Variants in KCTD8 observed in about 807,000 individuals in gnomAD.
The protein encoded by KCTD8 is BTB/POZ domain-containing protein KCTD8.
Under a neutral mutation model 31.5 loss-of-function variants are expected in KCTD8, and 27 were observed. The observed-to-expected ratio is 0.86, with a 90% confidence interval of 0.63 to 1.18. The LOEUF (loss-of-function observed/expected upper bound fraction) is 1.18, where lower values mean the gene tolerates loss of function less well. Ranked by LOEUF, KCTD8 falls within the 50% of genes most tolerant of loss-of-function variation. KCTD8 has a pLI of 0.00. For missense variants in KCTD8, 658 were observed against 647.7 expected (o/e 1.02, Z -0.17); for synonymous variants, 290 against 280.0 (o/e 1.04, Z -0.36).
At chr4:44,379,121 T>A (rs1719994736) in intron 1 of KCTD8, among the ~76,000 whole-genome samples, 1 of 152,092 alleles carries the variant, frequency 6.6e-6, no homozygotes, top group Non-Finnish European at 1.5e-5. Flanking sequence ...CATCTCAAGA[T>A]CCTTAACTTG....
At chr4:44,333,036 T>C (rs1296293971) in intron 1 of KCTD8, among the ~76,000 whole-genome samples, 1 of 152,092 alleles carries the variant, frequency 6.6e-6, no homozygotes. Flanking sequence ...CACAACTATT[T>C]GTATCAATTG....
chr4:44,231,989 T>C (rs1310939453), intron 1 of KCTD8, among the ~76,000 whole-genome samples: 1 of 152,170 alleles, frequency 6.6e-6, no homozygotes. Flanking sequence ...TGAAATTAGA[T>C]ACTATTGTCA....
In KCTD8 at chr4:44,448,777, T is replaced by C. The variant is rs941431733; in HGVS notation, c.-254A>G. On this transcript the variant is annotated 5_prime_UTR_variant, in exon 1 of 2. Transcript: ENST00000360029. This position sits in a 1 kb window ranked among gnomAD's most constrained non-coding sequence, Gnocchi z 4.1. ...CGGCAATGGAGAGGCAAGAAGGAGC[T>C]GCTGCTCCTTTGGGGCGAGGGCGGG... The C allele has an allele frequency of 9.9e-5, 35 of 351,872 alleles. No homozygotes were observed. The East Asian group carries it at 1.4e-3, about 14-fold the overall frequency. The allele number at this position is 351,872 out of a possible 1,614,324, so 21.8% of individuals were successfully genotyped here.
intron 1 of KCTD8, among the ~76,000 whole-genome samples, chr4:44,413,473 G>C (rs1721004904): frequency 6.6e-6 from 1 of 152,052 alleles, no homozygotes; most frequent in South Asian, 2.1e-4. Context: ...AGAATTACTT[G>C]AACTTCAACA....
chr4:44,409,791 A>G (rs1720906133), intron 1 of KCTD8, among the ~76,000 whole-genome samples: 1 of 47,362 alleles, frequency 2.1e-5, no homozygotes, highest in African/African-American at 6.3e-5. Flanking sequence ...TTTAGAGTAT[A>G]TTAAAAAAAA....
chr4:44,381,151 G>A (rs1720053280), intron 1 of KCTD8, among the ~76,000 whole-genome samples: 1 of 151,746 alleles, frequency 6.6e-6, no homozygotes, highest in Non-Finnish European at 1.5e-5. Flanking sequence ...ATTACTCATG[G>A]TAGTATTTAA....
chr4:44,285,402 C>T (rs892134275), intron 1 of KCTD8, among the ~76,000 whole-genome samples: 6 of 151,946 alleles, frequency 3.9e-5, no homozygotes, highest in Admixed American at 3.3e-4. Context: ...TGTTCTCACT[C>T]ATAAGTGGGA....
intron 1 of KCTD8, among the ~76,000 whole-genome samples, chr4:44,246,281 T>C (rs1715661806): frequency 6.6e-6 from 1 of 152,170 alleles, no homozygotes; most frequent in South Asian, 2.1e-4. Context: ...ATTGAAGTCA[T>C]TAGGTTTGAA....
intron 1 of KCTD8, among the ~76,000 whole-genome samples, chr4:44,329,022 G>C (rs1163659322): frequency 6.6e-6 from 1 of 151,832 alleles, no homozygotes; most frequent in Non-Finnish European, 1.5e-5. Flanking sequence ...CTTTCTTATA[G>C]TCTTGCTAAG....
intron 1 of KCTD8, among the ~76,000 whole-genome samples, chr4:44,358,346 G>T (rs758526966): frequency 6.6e-6 from 1 of 152,122 alleles, no homozygotes; most frequent in Non-Finnish European, 1.5e-5. Flanking sequence ...GAACAGTGCT[G>T]CAATAAACAT....
At chr4:44,406,139 T>C (rs1417560879) in intron 1 of KCTD8, among the ~76,000 whole-genome samples, 1 of 152,002 alleles carries the variant, frequency 6.6e-6, no homozygotes, top group Non-Finnish European at 1.5e-5. Flanking sequence ...AACAAGGAGG[T>C]GAATATATGG....
chr4:44,315,688 G>A (rs1052162123), intron 1 of KCTD8, among the ~76,000 whole-genome samples: 2 of 151,942 alleles, frequency 1.3e-5, no homozygotes, highest in African/African-American at 4.8e-5. Context: ...CTGAAAAAGT[G>A]TATAATTTAC....
chr4:44,334,815 A>T lies in KCTD8; in HGVS notation c.961+112748T>A, dbSNP rs1718680474. Among the ~76,000 whole-genome samples the T allele has an allele frequency of 2.0e-5, 3 of 152,122 alleles. No individual in the cohort carries two copies. The South Asian group carries it at 6.2e-4, about 31-fold the overall frequency. ...ATAAGCCCATTAAATAAATAAATAC[A>T]CTTTGGAAATTTTGAAAGTTTGCTC... On this transcript the variant is annotated intron_variant, in intron 1 of 1. Transcript: ENST00000360029.
At chr4:44,249,358 C>T (rs1247584151) in intron 1 of KCTD8, among the ~76,000 whole-genome samples, 2 of 151,776 alleles carry the variant, frequency 1.3e-5, no homozygotes, top group African/African-American at 4.8e-5. Flanking sequence ...CTTTACAAGT[C>T]ATTACATTCT....
chr4:44,261,232 A>G (rs1176669541), intron 1 of KCTD8, among the ~76,000 whole-genome samples: 3 of 151,964 alleles, frequency 2.0e-5, no homozygotes, highest in African/African-American at 4.8e-5. Context: ...GAGATTTGGG[A>G]GGAAAAAATG....
chr4:44,205,861 A>G (rs1451142588), intron 1 of KCTD8, among the ~76,000 whole-genome samples: 1 of 152,228 alleles, frequency 6.6e-6, no homozygotes, highest in Non-Finnish European at 1.5e-5. Context: ...TGTCGTAGGT[A>G]GAAATGAACA....
chr4:44,397,799 T>C (rs1393169454), intron 1 of KCTD8, among the ~76,000 whole-genome samples: 4 of 152,164 alleles, frequency 2.6e-5, no homozygotes, highest in Admixed American at 1.3e-4. Flanking sequence ...CTGGCAAATG[T>C]TCTTAATATG....
At chr4:44,226,826 C>G (rs1173432945) in intron 1 of KCTD8, among the ~76,000 whole-genome samples, 1 of 151,914 alleles carries the variant, frequency 6.6e-6, no homozygotes, top group Non-Finnish European at 1.5e-5. Flanking sequence ...TTTTTGACCA[C>G]ATAAATGTCT....
intron 1 of KCTD8, among the ~76,000 whole-genome samples, chr4:44,358,789 T>C (rs1719418634): frequency 6.6e-6 from 1 of 152,162 alleles, no homozygotes; most frequent in African/African-American, 2.4e-5. Context: ...CAGGATGGTC[T>C]CGATCTCCTG....
Sources: gnomAD v4.1 joint callset for allele counts (sites outside exome capture counted in the v4.1 genomes callset) on GRCh38, gnomAD v4.1.1 for gene constraint, Gnocchi (gnomAD v3.1) non-coding constraint, MANE v1.5 for transcripts, NCBI Gene and HGNC (gene_info 2026-07-23, HGNC 2026-07-21) for gene names.